The following LOXHD1 variants were observed in gnomAD, a reference collection of about 807,000 sequenced individuals.
LOXHD1 encodes lipoxygenase homology PLAT domains 1.
Under a neutral mutation model 248.2 loss-of-function variants are expected in LOXHD1, and 205 were observed. The observed-to-expected ratio is 0.83, with a 90% CI of 0.74 to 0.93. LOXHD1 has a LOEUF of 0.93. Among genes scored for constraint, LOXHD1 ranks in the 40% least tolerant of loss-of-function variants. The pLI is 0.00. For missense variants in LOXHD1, 2,930 were observed against 2,971.6 expected, an observed-to-expected ratio of 0.99 and a Z score of 0.33; for synonymous variants, 1,113 against 1,162.8, an observed-to-expected ratio of 0.96 and a Z score of 0.87.
chr18:46,599,586 A>G (rs955987814), intron 8 of LOXHD1, among the ~76,000 whole-genome samples: 2 of 152,220 alleles, frequency 1.3e-5, no homozygotes, highest in Admixed American at 1.3e-4. Context: ...AAAGGAAAAG[A>G]TTGATAAACT....
chr18:46,609,155 A>G (rs2038467158), intron 6 of LOXHD1, among the ~76,000 whole-genome samples: 1 of 152,202 alleles, frequency 6.6e-6, no homozygotes, highest in Middle Eastern at 3.2e-3. Flanking sequence ...AACATAGATA[A>G]GATGCCTAGA....
At chr18:46,538,371 G>T (rs1489887405) in intron 25 of LOXHD1, 34 bp from the exon 26 acceptor site, 1 of 1,528,572 alleles carries the variant, frequency 6.5e-7, no homozygotes, top group East Asian at 2.5e-5. Flanking sequence ...AAGCCAGAGT[G>T]GATGAGAGAA....
At chr18:46,626,301 CA>C (rs2038741404) in intron 4 of LOXHD1, among the ~76,000 whole-genome samples, 1 of 152,066 alleles carries the variant, frequency 6.6e-6, no homozygotes, top group Non-Finnish European at 1.5e-5. Flanking sequence ...CCTGTAATCC[CA>C]ACACTTTGGG....
At chr18:46,598,508 T>C (rs118170006) in intron 8 of LOXHD1, among the ~76,000 whole-genome samples, 179 of 106,284 alleles carry the variant, frequency 1.7e-3, no homozygotes, top group Middle Eastern at 0.011. Flanking sequence ...GCTTTGAAAA[T>C]TAAAAAAAAA....
chr18:46,490,354 T>C lies in LOXHD1; in HGVS notation c.5879-1212A>G, dbSNP rs898685741. On this transcript the variant is annotated intron_variant, in intron 37 of 40. Coordinates refer to ENST00000642948, the MANE Select transcript of LOXHD1 (RefSeq NM_001384474.1). ...CATTGGCGGTCCTGGTATAGCATCA[T>C]TCCAGGTTGAAAAAGTACTTCTTAC... Among the ~76,000 whole-genome samples, 4 of 152,252 alleles carry C rather than the reference T, an allele frequency of 2.6e-5. No individual in the cohort carries two copies. In the East Asian group the frequency reaches 7.7e-4, roughly 29 times the overall value.
Position 46,490,953 on chromosome 18 carries a change from C to G in LOXHD1, c.5879-1811G>C, listed in dbSNP as rs550518431. On this transcript the variant is annotated intron_variant, in intron 37 of 40. Transcript: ENST00000642948. ...CGACTGCTGGCTGTCGAAGATTGAA[C>G]TACTTAGCAGCCTCAATGCATTCAG... Among the ~76,000 whole-genome samples the G allele has an allele frequency of 1.2e-4, 18 of 152,292 alleles. No individual in the cohort carries two copies. The South Asian group carries it at 2.1e-3, about 18-fold the overall frequency.
At chr18:46,496,079 A>C (rs1447481643) in intron 37 of LOXHD1, among the ~76,000 whole-genome samples, 1 of 152,212 alleles carries the variant, frequency 6.6e-6, no homozygotes, top group Non-Finnish European at 1.5e-5. Context: ...CATGACATGA[A>C]GTTTAGGATT....
chr18:46,618,306 G>T lies in LOXHD1; in HGVS notation c.512-16C>A. 6.6e-7 allele frequency: 1 copy of T among 1,523,506 alleles called. No individual in the cohort carries two copies. 94.4% of individuals were successfully genotyped at this position (1,523,506 alleles called of 1,614,324 possible). On this transcript the variant is annotated splice_polypyrimidine_tract_variant and intron_variant, in intron 4 of 40. Coordinates refer to ENST00000642948, the MANE Select transcript of LOXHD1 (RefSeq NM_001384474.1). Reference sequence around the variant, plus strand: ...TACTTATTACCTAGGAACAAGGAGAGAGAAAAACCTTAGCTCATCAGGATC... The same window carrying T: ...TACTTATTACCTAGGAACAAGGAGATAGAAAAACCTTAGCTCATCAGGATC...
rs1025865551 is a variant in LOXHD1 at position 46,592,521 on chromosome 18, C to A, written c.1495G>T (p.Gly499Cys). The A allele has an allele frequency of 1.3e-6, 2 of 1,551,530 alleles. No individual in the cohort carries two copies. Among genetic ancestry groups the A allele is most frequent in the African/African-American group, 2.7e-5 (2 of 73,046 alleles). ...IRVWHDKRSS[G>C]SGWHLERMTL... is the part of the protein sequence containing the mutation. ...ACCCTTTCTAAATGCCATCCAGAAC[C>A]AGAACTCCTTTTATCATGCCATACT... The change falls in exon 11 of 41, where the codon GGT (glycine) becomes TGT (cysteine). Residue 499 changes from glycine to cysteine, a missense_variant. Coordinates refer to ENST00000642948, the MANE Select transcript of LOXHD1 (RefSeq NM_001384474.1).
At chr18:46,520,157 G>T in intron 33 of LOXHD1, 1 of 455,368 alleles carries the variant, frequency 2.2e-6, no homozygotes. Flanking sequence ...AGAAAGTGCT[G>T]CTCTCTGAGT....
intron 21 of LOXHD1, among the ~76,000 whole-genome samples, chr18:46,547,497 T>C (rs942130353): frequency 1.1e-4 from 16 of 152,196 alleles, no homozygotes; most frequent in Non-Finnish European, 5.9e-5. Flanking sequence ...GAGCCAATTA[T>C]GTCTGCTTTC....
At chr18:46,513,473 T>A (rs886082203) in intron 34 of LOXHD1, among the ~76,000 whole-genome samples, 1 of 152,216 alleles carries the variant, frequency 6.6e-6, no homozygotes, top group African/African-American at 2.4e-5. Context: ...GCCCTTAATG[T>A]AATCCCAAGA....
chr18:46,578,811 C>T (rs1251056134), intron 13 of LOXHD1, among the ~76,000 whole-genome samples: 1 of 152,240 alleles, frequency 6.6e-6, no homozygotes, highest in Non-Finnish European at 1.5e-5. Flanking sequence ...AGAGACGGTA[C>T]ATCCACTGCC....
intron 34 of LOXHD1, among the ~76,000 whole-genome samples, chr18:46,513,995 C>T (rs2035110642): frequency 6.6e-6 from 1 of 152,154 alleles, no homozygotes; most frequent in Non-Finnish European, 1.5e-5. Context: ...ACAGAGCCTC[C>T]AGTCCCAGGC....
At chr18:46,531,402 G>C (rs2144245461) in intron 28 of LOXHD1, among the ~76,000 whole-genome samples, 1 of 152,276 alleles carries the variant, frequency 6.6e-6, no homozygotes, top group South Asian at 2.1e-4. Flanking sequence ...ACAGTTGACG[G>C]TCTCCCCCCT....
intron 35 of LOXHD1, among the ~76,000 whole-genome samples, chr18:46,509,308 A>G (rs1415774521): frequency 6.6e-6 from 1 of 152,106 alleles, no homozygotes; most frequent in Non-Finnish European, 1.5e-5. Flanking sequence ...CAGAGGCCCC[A>G]GTAAGCTTTC....
At chr18:46,574,388 T>TACATACACACACACACACACACAC (rs2037813021) in intron 14 of LOXHD1, among the ~76,000 whole-genome samples, 1 of 125,242 alleles carries the variant, frequency 8.0e-6, no homozygotes, top group African/African-American at 3.4e-5. Flanking sequence ...TGTGTACACA[T>TACATACACACACACACACACACAC]ACACACACAC....
At chr18:46,648,870 C>T (rs1303769140) in intron 2 of LOXHD1, among the ~76,000 whole-genome samples, 1 of 152,126 alleles carries the variant, frequency 6.6e-6, no homozygotes, top group African/African-American at 2.4e-5. Context: ...CAAAGTCACA[C>T]GGAACTAAGG....
intron 34 of LOXHD1, among the ~76,000 whole-genome samples, chr18:46,510,504 C>T (rs184558440): frequency 2.0e-5 from 3 of 152,262 alleles, no homozygotes; most frequent in Admixed American, 6.5e-5. Context: ...CCCACAGTGC[C>T]GCATGTACAA....
Sources: gnomAD v4.1 joint callset for allele counts (sites outside exome capture counted in the v4.1 genomes callset) on GRCh38, gnomAD v4.1.1 for gene constraint, MANE v1.5 for transcripts, NCBI Gene and HGNC (gene_info 2026-07-23, HGNC 2026-07-21) for gene names.